PCDHGA1: variants seen among roughly 807,000 people sequenced by gnomAD.
PCDHGA1 encodes protocadherin gamma subfamily A, 1.
In PCDHGA1, 32 loss-of-function variants were observed where a neutral mutation model predicts 58.0. That is an observed-to-expected ratio of 0.55 (90% CI 0.42 to 0.74). The LOEUF is 0.74. PCDHGA1 is among the 30% of genes least tolerant of loss of function. PCDHGA1 has a pLI of 0.00. For missense variants in PCDHGA1, 1,205 were observed against 1,182.3 expected (o/e 1.02, Z -0.28); for synonymous variants, 498 against 501.1 (o/e 0.99, Z 0.08).
At chr5:141,340,060 AACC>A (rs1458139640) in intron 1 of PCDHGA1, 1 of 1,614,156 alleles carries the variant, frequency 6.2e-7, no homozygotes, top group Middle Eastern at 1.6e-4. Flanking sequence ...CTCTTCCAGG[AACC>A]ATAATTGGGC....
At chr5:141,361,888 G>T (rs201231976) in intron 1 of PCDHGA1, 1 of 1,610,098 alleles carries the variant, frequency 6.2e-7, no homozygotes, top group African/African-American at 1.3e-5. Context: ...CGCAGAGCCC[G>T]GCTACCTGGT....
chr5:141,477,042 G>A lies in PCDHGA1; in HGVS notation c.2422-17765G>A. ...ACCGGGATGCTGACAATCAAGGGTC[G>A]GCTGGACTTCGAGGACACCAAACTC... On this transcript the variant is annotated intron_variant, in intron 1 of 3. Transcript: ENST00000517417. This position sits in a 1 kb window ranked among gnomAD's most constrained non-coding sequence, Gnocchi z 4.9. 1 of 1,614,238 alleles carries A rather than the reference G, an allele frequency of 6.2e-7. No homozygotes were observed. Among genetic ancestry groups the A allele is most frequent in the Non-Finnish European group, 8.5e-7 (1 of 1,180,040 alleles).
Position 141,331,981 on chromosome 5 carries a change from T to A in PCDHGA1, c.1297T>A (p.Ser433Thr), listed in dbSNP as rs762506899. The A allele has an allele frequency of 2.5e-6, 4 of 1,614,122 alleles. No individual in the cohort carries two copies. Among genetic ancestry groups the A allele is most frequent in the Admixed American group, 3.3e-5 (2 of 60,022 alleles). ...AATAGACCAAGGAACTCCAGCTCTA[T>A]CTACTGAAACTCACATTTCACTACT... ...TAIDQGTPAL[S>T]TETHISLLVT... Residue 433 changes from serine to threonine, a missense_variant, in exon 1 of 4, where the codon TCT becomes ACT. Ser to Thr is a moderately conservative substitution (Grantham distance 58). Coordinates refer to ENST00000517417, the MANE Select transcript of PCDHGA1 (RefSeq NM_018912.3).
rs773749954 is a variant in PCDHGA1, at chr5:141,339,245, CG to C, written c.2421+6143del. The C allele has an allele frequency of 2.4e-5, 38 of 1,614,202 alleles. No homozygotes were observed. In the East Asian group the frequency reaches 8.0e-4, roughly 34 times the overall value. On this transcript the variant is annotated intron_variant, in intron 1 of 3. Coordinates refer to ENST00000517417, the MANE Select transcript of PCDHGA1 (RefSeq NM_018912.3). ...CTTGGTCACTGCGAACAGGATAGAC[CG>C]GGAGGAGCTCTGCGCTCAGAGCGCA...
chr5:141,398,298 C>T (rs746476042), intron 1 of PCDHGA1: 1 of 1,362,258 alleles, frequency 7.3e-7, no homozygotes, highest in South Asian at 1.3e-5. Flanking sequence ...TGGGGTTCAG[C>T]GTCCAGGAGT....
At position 141,491,514 on chromosome 5, in the gene PCDHGA1, G is replaced by A. The variant is rs753335815; in HGVS notation, c.2422-3293G>A. ...AGGTGAGCTCGGACGGCACGCTCAAGTACATGGAGGTGACGCTGCGGCCCA... is the reference window on the plus strand; with the variant it reads ...AGGTGAGCTCGGACGGCACGCTCAAATACATGGAGGTGACGCTGCGGCCCA... On this transcript the variant is annotated intron_variant, in intron 1 of 3. Coordinates refer to ENST00000517417, the MANE Select transcript of PCDHGA1 (RefSeq NM_018912.3). The surrounding 1 kb of genome is among the most constrained non-coding windows in gnomAD (Gnocchi z 6.9). 2 of 1,613,964 alleles carry A rather than the reference G, an allele frequency of 1.2e-6. No individual in the cohort carries two copies. Among genetic ancestry groups the A allele is most frequent in the East Asian group, 2.2e-5 (1 of 44,892 alleles).
intron 1 of PCDHGA1, among the ~76,000 whole-genome samples, chr5:141,448,115 T>A (rs62379166): frequency 0.025 from 3,743 of 151,768 alleles, 65 homozygotes; most frequent in Middle Eastern, 0.086. Flanking sequence ...GAAAAGAAAA[T>A]TAGCCTCCCC....
rs61612330 is a variant in PCDHGA1 at position 141,454,796 on chromosome 5, A to ATTTTTTTTTTTTTTTT, written c.2422-39997_2422-39982dup. Among the ~76,000 whole-genome samples the ATTTTTTTTTTTTTTTT allele has an allele frequency of 1.2e-3, 96 of 77,456 alleles. 8 individuals are homozygous for ATTTTTTTTTTTTTTTT. The highest frequency in any genetic ancestry group is 2.0e-3 in the South Asian group (4 of 1,960). 50.8% of individuals were successfully genotyped at this position (77,456 alleles called of 152,430 possible). A position where few individuals can be genotyped will look rare whatever the true frequency, so the allele number is the denominator to read the frequency against. ...AAGGAAATAATCCTCCATGGTTCTA[A>ATTTTTTTTTTTTTTTT]TTTTTTTTTTTTTTTTTTTTTTTTT... On this transcript the variant is annotated intron_variant, in intron 1 of 3. Coordinates refer to ENST00000517417, the MANE Select transcript of PCDHGA1 (RefSeq NM_018912.3).
chr5:141,409,686 A>T, intron 1 of PCDHGA1: 3 of 1,613,350 alleles, frequency 1.9e-6, no homozygotes, highest in Non-Finnish European at 2.5e-6. Context: ...GTGGCGAGTG[A>T]CCTAGAGCCC....
At chr5:141,352,378 G>T in intron 1 of PCDHGA1, 7 of 1,614,008 alleles carry the variant, frequency 4.3e-6, no homozygotes, top group Non-Finnish European at 4.2e-6. Flanking sequence ...TGATTCTAGC[G>T]ATCGCCCTGC....
chr5:141,344,324 T>G, intron 1 of PCDHGA1: 1 of 1,614,030 alleles, frequency 6.2e-7, no homozygotes, highest in Non-Finnish European at 8.5e-7. Context: ...AGCTCTGCGC[T>G]CAGATCCCGC....
chr5:141,403,694 C>T (rs746395931), intron 1 of PCDHGA1: 3 of 1,613,760 alleles, frequency 1.9e-6, no homozygotes, highest in Admixed American at 3.3e-5. Flanking sequence ...ACGGATTTAC[C>T]GAGTTAAAGT....
Position 141,364,123 on chromosome 5 carries a change from C to T in PCDHGA1, c.2421+31018C>T, listed in dbSNP as rs1763177434. ...AGTCACTGGTTAGGACTCTGAGTGT[C>T]GCTGTTGACCAAAGTGGGAAAGAAG... is the stretch of plus-strand genomic sequence containing the variant. On this transcript the variant is annotated intron_variant, in intron 1 of 3. Coordinates refer to ENST00000517417, the MANE Select transcript of PCDHGA1 (RefSeq NM_018912.3). 3 of 460,466 alleles carry T rather than the reference C, an allele frequency of 6.5e-6. No individual in the cohort carries two copies. The Admixed American group carries it at 1.1e-4, about 18-fold the overall frequency. The allele number at this position is 460,466 out of a possible 1,614,324, so 28.5% of individuals were successfully genotyped here. A position where few individuals can be genotyped will look rare whatever the true frequency, so the allele number is the denominator to read the frequency against.
chr5:141,425,559 G>A (rs1180113940), intron 1 of PCDHGA1, among the ~76,000 whole-genome samples: 2 of 152,176 alleles, frequency 1.3e-5, no homozygotes, highest in East Asian at 3.9e-4. Context: ...TCTTTTATAA[G>A]TGATAAGAAG....
chr5:141,470,718 G>A (rs916720866), intron 1 of PCDHGA1, among the ~76,000 whole-genome samples: 2 of 152,022 alleles, frequency 1.3e-5, no homozygotes, highest in Non-Finnish European at 2.9e-5. Flanking sequence ...ATTTTTTTGA[G>A]TCAGGGTCTT....
At chr5:141,396,562 G>C (rs2150669769) in intron 1 of PCDHGA1, 1 of 152,144 alleles carries the variant, frequency 6.6e-6, no homozygotes, top group South Asian at 2.1e-4. Context: ...GGAGGTTGCA[G>C]TGAGCCTCGA....
chr5:141,403,163 A>C, intron 1 of PCDHGA1: 1 of 1,614,052 alleles, frequency 6.2e-7, no homozygotes, highest in South Asian at 1.1e-5. Flanking sequence ...CTCTAGAGGT[A>C]GGACGCAGCT....
At position 141,505,514 on chromosome 5, in the gene PCDHGA1, G is replaced by A. The variant is rs758026551; in HGVS notation, c.2569+33G>A. The A allele has an allele frequency of 1.2e-5, 20 of 1,613,682 alleles. No homozygotes were observed. The South Asian group carries it at 1.8e-4, about 14-fold the overall frequency. ...GTGTCAGTGTGTGTATGGAAGAGTGGGAGACCTGGGGTTCTGGGGTGCATC... is the reference window on the plus strand; with the variant it reads ...GTGTCAGTGTGTGTATGGAAGAGTGAGAGACCTGGGGTTCTGGGGTGCATC... On this transcript the variant is annotated intron_variant, in intron 3 of 3. Transcript: ENST00000517417.
rs763001349 is a variant in PCDHGA1 at position 141,398,988 on chromosome 5, C to A, written c.2421+65883C>A. 1.9e-6 allele frequency: 3 copies of A among 1,613,832 alleles called. No homozygotes were observed. The African/African-American group carries it at 4.0e-5, about 22-fold the overall frequency. On this transcript the variant is annotated intron_variant, in intron 1 of 3. Coordinates refer to ENST00000517417, the MANE Select transcript of PCDHGA1 (RefSeq NM_018912.3). Reference sequence around the variant, plus strand: ...ATTCCTTCTACAGAACCGGGCAAATCTTTAGTCTGAATTCAAAGAGCGGAG... The same window carrying A: ...ATTCCTTCTACAGAACCGGGCAAATATTTAGTCTGAATTCAAAGAGCGGAG...
Sources: gnomAD v4.1 joint callset for allele counts (sites outside exome capture counted in the v4.1 genomes callset) on GRCh38, gnomAD v4.1.1 for gene constraint, Gnocchi (gnomAD v3.1) non-coding constraint, MANE v1.5 for transcripts, NCBI Gene and HGNC (gene_info 2026-07-23, HGNC 2026-07-21) for gene names.